The following ARAP2 variants were observed in gnomAD, a reference collection of about 807,000 sequenced individuals.
ARAP2 encodes arf-GAP with Rho-GAP domain, ANK repeat and PH domain-containing protein 2.
Under a neutral mutation model 194.5 loss-of-function variants are expected in ARAP2, and 148 were observed. That is an observed-to-expected ratio of 0.76 (90% CI 0.67 to 0.87). ARAP2 has a LOEUF of 0.87. Ranked by LOEUF, ARAP2 falls within the 40% of genes least tolerant of loss-of-function variation. The pLI, the probability that ARAP2 is intolerant of heterozygous loss-of-function variation, is 0.00. For missense variants in ARAP2, 2,128 were observed against 1,989.7 expected (o/e 1.07, Z -1.32); for synonymous variants, 695 against 683.5 (o/e 1.02, Z -0.26).
Position 36,073,775 on chromosome 4 carries a change from T to C in ARAP2, c.4657A>G (p.Ile1553Val), listed in dbSNP as rs1223920711. The change falls in exon 32 of 33, where the codon ATA becomes GTA. Residue 1553 changes from isoleucine (I) to valine (V), a missense_variant. By Grantham distance (29) the Ile-to-Val change is conservative. Coordinates refer to ENST00000303965, the MANE Select transcript of ARAP2 (RefSeq NM_015230.4). ...CCTCCAATTTTGGGATTTTTGGTTA[T>C]TGAACGTTTTCGTTCCTTTCCAGCT... ...PPAGKERKRS[I>V]TKNPKIGGLP... The C allele has an allele frequency of 1.2e-6, 2 of 1,613,320 alleles. No individual in the cohort carries two copies. The highest frequency in any genetic ancestry group is 1.7e-6 in the Non-Finnish European group (2 of 1,179,428).
intron 2 of ARAP2, among the ~76,000 whole-genome samples, 154 bp downstream of exon 2, chr4:36,228,428 T>C (rs1343852246): frequency 6.6e-6 from 1 of 152,112 alleles, no homozygotes; most frequent in African/African-American, 2.4e-5. Context: ...TAATGTCCAA[T>C]GGGATGAAGA....
At chr4:36,176,372 T>C (rs932130308) in intron 9 of ARAP2, among the ~76,000 whole-genome samples, 8 of 152,194 alleles carry the variant, frequency 5.3e-5, no homozygotes, top group African/African-American at 1.9e-4. Context: ...TAATTTCATG[T>C]ACATTTTCAC....
intron 6 of ARAP2, 88 bp downstream of exon 6, chr4:36,210,302 G>T (rs1746467132): frequency 8.1e-7 from 1 of 1,233,442 alleles, no homozygotes; most frequent in Non-Finnish European, 1.1e-6. Flanking sequence ...CGGTGGAGTG[G>T]GGGAACAGCA....
At position 36,210,568 on chromosome 4, in the gene ARAP2, T is replaced by G; in HGVS notation, c.1309A>C (p.Thr437Pro). 1 of 1,613,920 alleles carries G rather than the reference T, an allele frequency of 6.2e-7. No homozygotes were observed. The highest frequency in any genetic ancestry group is 8.5e-7 in the Non-Finnish European group (1 of 1,179,864). ...GAGTCCAAAATCAAGGCTTTTTGAG[T>G]CCTAGATTTAGATGCCTTTGAATTT... ...RKNSKASKSRTQKALILDSVN... is the reference protein window; with the variant it reads ...RKNSKASKSRPQKALILDSVN... The change falls in exon 6 of 33, where the codon ACT becomes CCT. Residue 437 changes from threonine to proline, a missense_variant. By Grantham distance (38) the Thr-to-Pro change is conservative. Coordinates refer to ENST00000303965, the MANE Select transcript of ARAP2 (RefSeq NM_015230.4).
At chr4:36,138,040 G>A (rs775106693) in intron 19 of ARAP2, among the ~76,000 whole-genome samples, 6 of 151,664 alleles carry the variant, frequency 4.0e-5, no homozygotes, top group Admixed American at 1.3e-4. Context: ...AGCATCCTAG[G>A]CATGTTGGAA....
rs1325541927 is a variant in ARAP2, at chr4:36,067,217, C to T, written c.*690G>A. 6.6e-6 allele frequency: 1 copy of T among 152,534 alleles called. No homozygotes were observed. The highest frequency in any genetic ancestry group is 1.5e-5 in the Non-Finnish European group (1 of 68,024). 9.4% of individuals were successfully genotyped at this position (152,534 alleles called of 1,614,324 possible). A position where few individuals can be genotyped will look rare whatever the true frequency, so the allele number is the denominator to read the frequency against. ...TAAATATTAATAAGAGTGGCTAGTG[C>T]TATTATTTACATCTGTTGGCCGAAT... On this transcript the variant is annotated 3_prime_UTR_variant, in exon 33 of 33. Transcript: ENST00000303965.
In ARAP2 at chr4:36,161,471, G is replaced by A; in HGVS notation, c.2253C>T (p.Leu751=). ...CAGGTTAAATAGGACTCACCTCGAT[G>A]AGTTCATTGCTCCAAATGCTAGCAT... is the stretch of plus-strand genomic sequence containing the variant. ...KMDASIWSNE[L]IELFIVIGNK... Residue 751 remains leucine, a synonymous_variant, in exon 12 of 33, where the codon CTC becomes CTT. Transcript: ENST00000303965. 1 of 1,613,504 alleles carries A rather than the reference G, an allele frequency of 6.2e-7. No homozygotes were observed. Among genetic ancestry groups the A allele is most frequent in the Non-Finnish European group, 8.5e-7 (1 of 1,179,556 alleles).
Position 36,074,975 on chromosome 4 carries a change from T to C in ARAP2, c.4609-1152A>G, listed in dbSNP as rs554701040. ...TGTGCATCGTATCTACCCTTGAATG[T>C]TAGTGAAGCATTTACCTTAGTTCCG... On this transcript the variant is annotated intron_variant, in intron 31 of 32. Transcript: ENST00000303965. Among the ~76,000 whole-genome samples the C allele has an allele frequency of 2.0e-5, 3 of 152,294 alleles. No homozygotes were observed. The East Asian group carries it at 5.8e-4, about 29-fold the overall frequency.
intron 2 of ARAP2, among the ~76,000 whole-genome samples, chr4:36,053,245 C>T (rs1366828243): frequency 6.6e-6 from 1 of 151,920 alleles, no homozygotes; most frequent in East Asian, 1.9e-4. Context: ...ACTTCGTGAT[C>T]CACCCGCCTT....
chr4:36,229,179 C>T lies in ARAP2; in HGVS notation c.308G>A (p.Cys103Tyr), dbSNP rs747226094. 15 of 1,613,974 alleles carry T rather than the reference C, an allele frequency of 9.3e-6. No homozygotes were observed. The African/African-American group carries it at 1.6e-4, about 17-fold the overall frequency. ...YHVPSSDQNICIELSNSGSVQ... is the reference protein window; with the variant it reads ...YHVPSSDQNIYIELSNSGSVQ... ...ACTACCAGAATTGGAAAGTTCTATGCAGATATTCTGATCAGAAGATGGAAC... is the reference window on the plus strand; with the variant it reads ...ACTACCAGAATTGGAAAGTTCTATGTAGATATTCTGATCAGAAGATGGAAC... Residue 103 changes from cysteine to tyrosine, a missense_variant, in exon 2 of 33, where the codon TGC (cysteine) becomes TAC (tyrosine). By Grantham distance (194) the Cys-to-Tyr change is radical. Transcript: ENST00000303965.
In ARAP2 at chr4:36,076,912, A is replaced by T. The variant is rs201467693; in HGVS notation, c.4609-3089T>A. 2.6e-5 allele frequency among the ~76,000 whole-genome samples: 4 copies of T among 152,076 alleles called. No individual in the cohort carries two copies. In the East Asian group the frequency reaches 7.7e-4, roughly 29 times the overall value. ...ATCTGACAGTTGCCAAAAAACTAGA[A>T]TTTTTTCTGATTTCTACTCTTCCTC... On this transcript the variant is annotated intron_variant, in intron 31 of 32. Coordinates refer to ENST00000303965, the MANE Select transcript of ARAP2 (RefSeq NM_015230.4).
intron 9 of ARAP2, among the ~76,000 whole-genome samples, chr4:36,170,959 C>T (rs1369391833): frequency 6.6e-6 from 1 of 151,922 alleles, no homozygotes; most frequent in African/African-American, 2.4e-5. Flanking sequence ...TGCCTGGTGG[C>T]CTGGTGGTAG....
Position 36,112,131 on chromosome 4 carries a change from C to T in ARAP2, c.4156+2039G>A, listed in dbSNP as rs147783570. On this transcript the variant is annotated intron_variant, in intron 26 of 32. Coordinates refer to ENST00000303965, the MANE Select transcript of ARAP2 (RefSeq NM_015230.4). Reference sequence around the variant, plus strand: ...ATACCAGGAACCACAATCCATATCACTCAGGTCCAGAATGCATCTACTTTT... The same window carrying T: ...ATACCAGGAACCACAATCCATATCATTCAGGTCCAGAATGCATCTACTTTT... Among the ~76,000 whole-genome samples the T allele has an allele frequency of 5.6e-3, 845 of 152,054 alleles. 10 individuals carry two copies. Among genetic ancestry groups the T allele is most frequent in the African/African-American group, 0.019 (804 of 41,512 alleles).
rs773642397 is a variant in ARAP2 at position 36,160,577 on chromosome 4, T to C, written c.2324A>G (p.Glu775Gly). ...TACTGGTGAGTCCATATGTAATTCT[T>C]CATCCTTTTGAAGATTACCAGCCCA... The part of the protein sequence containing the change: ...DFWAGNLQKD[E>G]ELHMDSPVEK... Residue 775 changes from glutamate to glycine, a missense_variant, in exon 13 of 33, where the codon GAA becomes GGA. Physicochemically the swap from Glu to Gly is moderately conservative, Grantham distance 98 (BLOSUM62 -2). Coordinates refer to ENST00000303965, the MANE Select transcript of ARAP2 (RefSeq NM_015230.4). 1.3e-6 allele frequency: 2 copies of C among 1,542,144 alleles called. No homozygotes were observed. Among genetic ancestry groups the C allele is most frequent in the Non-Finnish European group, 8.7e-7 (1 of 1,154,366 alleles).
At chr4:36,147,885 C>A (rs1327814869) in intron 17 of ARAP2, 139 bp from the exon 18 acceptor site, 2 of 724,384 alleles carry the variant, frequency 2.8e-6, no homozygotes, top group Non-Finnish European at 4.4e-6. Context: ...AAATTCAAAA[C>A]AACTAAACTT....
intron 5 of ARAP2, among the ~76,000 whole-genome samples, chr4:36,031,043 T>A (rs1017425344): frequency 4.6e-5 from 7 of 152,120 alleles, no homozygotes; most frequent in Non-Finnish European, 8.8e-5. Flanking sequence ...GGCAGGAGAA[T>A]CCCTTGAACC....
chr4:36,114,177 T>C lies in ARAP2; in HGVS notation c.4149A>G (p.Glu1383=). Residue 1383 remains glutamate, a synonymous_variant, in exon 26 of 33, where the codon GAA becomes GAG. Transcript: ENST00000303965. ...IWATFEVIEN[E]ELERPLHYKE... Reference sequence around the variant, plus strand: ...AGCATAAAAATCACTTACCTAGCTCTTCATTTTCAATGACTTCAAATGTGG... The same window carrying C: ...AGCATAAAAATCACTTACCTAGCTCCTCATTTTCAATGACTTCAAATGTGG... 6.3e-7 allele frequency: 1 copy of C among 1,584,958 alleles called. No individual in the cohort carries two copies. The highest frequency in any genetic ancestry group is 8.6e-7 in the Non-Finnish European group (1 of 1,157,164).
chr4:36,146,099 C>A (rs939142005), intron 19 of ARAP2, among the ~76,000 whole-genome samples: 3 of 151,972 alleles, frequency 2.0e-5, no homozygotes, highest in Admixed American at 2.0e-4. Context: ...AAAACAGCAC[C>A]ATAATTCAGT....
intron 2 of ARAP2, among the ~76,000 whole-genome samples, chr4:36,054,094 C>T (rs976243715): frequency 1.1e-4 from 16 of 152,196 alleles, no homozygotes; most frequent in African/African-American, 2.7e-4. Flanking sequence ...ATGCCTTTCA[C>T]ACCGTGAATG....
Sources: gnomAD v4.1 joint callset for allele counts (sites outside exome capture counted in the v4.1 genomes callset) on GRCh38, gnomAD v4.1.1 for gene constraint, MANE v1.5 for transcripts, NCBI Gene and HGNC (gene_info 2026-07-23, HGNC 2026-07-21) for gene names.